TMEM132E: variants seen among roughly 807,000 people sequenced by gnomAD.
TMEM132E encodes the protein transmembrane protein 132E.
Under a neutral mutation model 78.5 loss-of-function variants are expected in TMEM132E, and 49 were observed. That is an observed-to-expected ratio of 0.62 (90% CI 0.50 to 0.79). The LOEUF is 0.79. Ranked by LOEUF, TMEM132E falls within the 30% of genes least tolerant of loss-of-function variation. The pLI is 0.00. For synonymous variants in TMEM132E, 715 were observed against 670.6 expected (o/e 1.07, Z -1.02); for missense variants, 1,403 against 1,470.9 (o/e 0.95, Z 0.75).
At chr17:34,627,169 A>C in intron 2 of TMEM132E, 112 bp downstream of exon 2, 1 of 1,194,712 alleles carries the variant, frequency 8.4e-7, no homozygotes, top group Non-Finnish European at 1.2e-6. Flanking sequence ...ATCCCTGTCC[A>C]GCATCCTAAT....
At position 34,637,894 on chromosome 17, in the gene TMEM132E, G is replaced by T. The variant is rs576541327; in HGVS notation, c.2887G>T (p.Ala963Ser). 3 of 1,606,766 alleles carry T rather than the reference G, an allele frequency of 1.9e-6. No individual in the cohort carries two copies. The highest frequency in any genetic ancestry group is 2.5e-6 in the Non-Finnish European group (3 of 1,178,890). ...PAGNPLETVP[A>S]FCHGDHHSSG... Reference sequence around the variant, plus strand: ...AGGCAACCCGCTGGAAACCGTGCCCGCCTTCTGCCACGGCGACCACCACAG... The same window carrying T: ...AGGCAACCCGCTGGAAACCGTGCCCTCCTTCTGCCACGGCGACCACCACAG... Residue 963 changes from alanine to serine, a missense_variant, in exon 9 of 9, where the codon GCC (alanine) becomes TCC (serine). By Grantham distance (99) the Ala-to-Ser change is moderately conservative. Coordinates refer to ENST00000631683, the MANE Select transcript of TMEM132E (RefSeq NM_001304438.2).
intron 1 of TMEM132E, among the ~76,000 whole-genome samples, chr17:34,623,763 G>A (rs763100438): frequency 9.8e-5 from 15 of 152,302 alleles, no homozygotes; most frequent in East Asian, 5.8e-4. Context: ...CAGTTGGTTC[G>A]CCTGCTTGCT....
At chr17:34,601,662 G>A (rs563686854) in intron 1 of TMEM132E, among the ~76,000 whole-genome samples, 1 of 152,236 alleles carries the variant, frequency 6.6e-6, no homozygotes, top group Non-Finnish European at 1.5e-5. Flanking sequence ...GGTCAATTAA[G>A]CCAATTTGTC....
Position 34,632,904 on chromosome 17 carries a change from C to A in TMEM132E, c.1683C>A (p.Asp561Glu), listed in dbSNP as rs1408318424. 7 of 1,614,024 alleles carry A rather than the reference C, an allele frequency of 4.3e-6. No homozygotes were observed. The East Asian group carries it at 8.9e-5, about 21-fold the overall frequency. ...VKGWRVPILP[D>E]RRSVRESEDE... The stretch of plus-strand genomic sequence containing the variant: ...GCTGGAGGGTACCTATCCTCCCCGA[C>A]CGGAGGTACAGCCCCTCTCCCATGG... The change falls in exon 6 of 9, where the codon GAC becomes GAA. Residue 561 changes from aspartate (D) to glutamate (E), a missense_variant. By Grantham distance (45) the Asp-to-Glu change is conservative. Coordinates refer to ENST00000631683, the MANE Select transcript of TMEM132E (RefSeq NM_001304438.2).
intron 1 of TMEM132E, among the ~76,000 whole-genome samples, chr17:34,585,530 GTGGATGAGGAAA>G (rs1014420168): frequency 6.6e-6 from 1 of 152,200 alleles, no homozygotes; most frequent in Admixed American, 6.5e-5. Context: ...CCAACCTCAT[GTGGATGAGGAAA>G]TGGACACACA....
intron 1 of TMEM132E, among the ~76,000 whole-genome samples, chr17:34,604,426 A>T (rs1489664111): frequency 4.6e-5 from 7 of 152,166 alleles, no homozygotes; most frequent in Admixed American, 3.9e-4. Context: ...TCCACATTTG[A>T]TAGCTTCCAT....
chr17:34,596,069 CACAA>C (rs1906050702), intron 1 of TMEM132E, among the ~76,000 whole-genome samples: 2 of 18,506 alleles, frequency 1.1e-4, no homozygotes, highest in South Asian at 2.9e-3. Context: ...CACACACACG[CACAA>C]CTTGCATTCC....
In TMEM132E at chr17:34,628,561, A is replaced by G; in HGVS notation, c.999-2A>G. On this transcript the variant is annotated splice_acceptor_variant, in intron 2 of 8. Coordinates refer to ENST00000631683, the MANE Select transcript of TMEM132E (RefSeq NM_001304438.2). LOFTEE classifies it high-confidence loss of function. ...CCTCTTCTTCCTCCCACTTTGTCCC[A>G]GGGTGAAGGCCAAGAAGGGTGTGAC... 6.2e-7 allele frequency: 1 copy of G among 1,613,648 alleles called. No homozygotes were observed. The highest frequency in any genetic ancestry group is 8.5e-7 in the Non-Finnish European group (1 of 1,179,804).
rs758121856 is a variant in TMEM132E, at chr17:34,637,892, C to T, written c.2885C>T (p.Pro962Leu). The T allele has an allele frequency of 1.2e-5, 20 of 1,606,930 alleles. No homozygotes were observed. Among genetic ancestry groups the T allele is most frequent in the Admixed American group, 1.7e-5 (1 of 59,926 alleles). The change falls in exon 9 of 9, where the codon CCC becomes CTC. Residue 962 changes from proline to leucine, a missense_variant. Physicochemically the swap from Pro to Leu is moderately conservative, Grantham distance 98. This residue lies in a region of TMEM132E where 888 missense variants were observed against 952.8 expected (regional missense o/e 0.93). Transcript: ENST00000631683. ...GCAGGCAACCCGCTGGAAACCGTGC[C>T]CGCCTTCTGCCACGGCGACCACCAC... ...PPAGNPLETV[P>L]AFCHGDHHSS... is the part of the protein sequence containing the mutation.
Position 34,632,735 on chromosome 17 carries a change from G to A in TMEM132E, c.1514G>A (p.Ser505Asn), listed in dbSNP as rs1432472485. The change falls in exon 6 of 9, where the codon AGT becomes AAT. Residue 505 changes from serine to asparagine, a missense_variant. Physicochemically the swap from Ser to Asn is conservative, Grantham distance 46 (BLOSUM62 1). Transcript: ENST00000631683. ...VSSSCDYVFV[S>N]GKESRGSMNA... ...AGCAGCTGTGACTACGTGTTTGTGA[G>A]TGGAAAAGAGTCTCGAGGGTCCATG... The A allele has an allele frequency of 1.2e-6, 2 of 1,614,210 alleles. No homozygotes were observed. The highest frequency in any genetic ancestry group is 1.1e-5 in the South Asian group (1 of 91,080).
intron 1 of TMEM132E, among the ~76,000 whole-genome samples, chr17:34,612,683 C>CT (rs1262708858): frequency 6.6e-6 from 1 of 152,210 alleles, no homozygotes; most frequent in African/African-American, 2.4e-5. Flanking sequence ...ACCAAGCCCA[C>CT]CTCCAGCTCA....
At chr17:34,612,146 G>T (rs954617220) in intron 1 of TMEM132E, among the ~76,000 whole-genome samples, 4 of 152,190 alleles carry the variant, frequency 2.6e-5, no homozygotes, top group Admixed American at 1.3e-4. Context: ...CTAGAGACCA[G>T]CTCAGGAAGG....
At chr17:34,633,292 T>C (rs1907411668) in intron 6 of TMEM132E, among the ~76,000 whole-genome samples, 1 of 152,138 alleles carries the variant, frequency 6.6e-6, no homozygotes. Flanking sequence ...AGCTAAGTCT[T>C]AAAGGATGAA....
At chr17:34,630,196 C>T (rs763088318) in intron 5 of TMEM132E, 45 bp downstream of exon 5, 3 of 1,586,064 alleles carry the variant, frequency 1.9e-6, no homozygotes, top group Non-Finnish European at 2.6e-6. Flanking sequence ...AGCCCTAGGC[C>T]TTCAGGAGAG....
intron 1 of TMEM132E, among the ~76,000 whole-genome samples, chr17:34,591,112 A>G (rs1314987115): frequency 1.3e-5 from 2 of 152,196 alleles, no homozygotes; most frequent in Non-Finnish European, 2.9e-5. Flanking sequence ...AGGAGCCCAC[A>G]GCACGAGGGC....
chr17:34,619,732 G>A (rs190652005), intron 1 of TMEM132E, among the ~76,000 whole-genome samples: 1 of 152,350 alleles, frequency 6.6e-6, no homozygotes, highest in Admixed American at 6.5e-5. Flanking sequence ...CCTGTCCCCT[G>A]GAAATTCTGA....
At chr17:34,586,602 T>C (rs1397054663) in intron 1 of TMEM132E, among the ~76,000 whole-genome samples, 6 of 152,032 alleles carry the variant, frequency 3.9e-5, no homozygotes, top group Non-Finnish European at 7.4e-5. Flanking sequence ...CCAGGCATCA[T>C]TATCTCCTTT....
chr17:34,636,215 C>A lies in TMEM132E; in HGVS notation c.2169+17C>A, dbSNP rs1374287622. On this transcript the variant is annotated intron_variant, in intron 8 of 8. Transcript: ENST00000631683. ...CTCAAGCAGGTAACTGGCTCCTTGG[C>A]CCACCAGCCAGGGAGTTGGTGGTAT... The A allele has an allele frequency of 1.4e-6, 2 of 1,446,304 alleles. No individual in the cohort carries two copies. Among genetic ancestry groups the A allele is most frequent in the South Asian group, 1.5e-5 (1 of 66,022 alleles). The allele number at this position is 1,446,304 out of a possible 1,614,324, so 89.6% of individuals were successfully genotyped here. A position where few individuals can be genotyped will look rare whatever the true frequency, so the allele number is the denominator to read the frequency against.
At chr17:34,583,417 G>A (rs1905562702) in intron 1 of TMEM132E, among the ~76,000 whole-genome samples, 1 of 152,230 alleles carries the variant, frequency 6.6e-6, no homozygotes, top group Non-Finnish European at 1.5e-5. Flanking sequence ...TCCCCCAGAT[G>A]GGTAAGGCCA....
Sources: gnomAD v4.1 joint callset for allele counts (sites outside exome capture counted in the v4.1 genomes callset) on GRCh38, gnomAD v4.1.1 for gene constraint, gnomAD v4.1.1 regional missense constraint, MANE v1.5 for transcripts, NCBI Gene and HGNC (gene_info 2026-07-23, HGNC 2026-07-21) for gene names.